DGKB: variants seen among roughly 807,000 people sequenced by gnomAD.
The protein encoded by DGKB is 90 kDa diacylglycerol kinase.
DGKB carries 67 observed loss-of-function variants against 114.3 expected under a neutral mutation model. That is an observed-to-expected ratio of 0.59 (90% CI 0.48 to 0.72). The LOEUF (loss-of-function observed/expected upper bound fraction) is 0.72. Ranked by LOEUF, DGKB falls within the 30% of genes least tolerant of loss-of-function variation. The pLI is 0.00. For synonymous variants in DGKB, 398 were observed against 323.1 expected (o/e 1.23, Z -2.49); for missense variants, 907 against 975.2 (o/e 0.93, Z 0.93).
At chr7:14,310,516 G>A (rs1230226655) in intron 23 of DGKB, among the ~76,000 whole-genome samples, 1 of 152,124 alleles carries the variant, frequency 6.6e-6, no homozygotes, top group Non-Finnish European at 1.5e-5. Flanking sequence ...CAGCTACCAA[G>A]GATTTTGATT....
At chr7:14,831,289 T>C (rs1168264136) in intron 2 of DGKB, among the ~76,000 whole-genome samples, 2 of 152,038 alleles carry the variant, frequency 1.3e-5, no homozygotes, top group Non-Finnish European at 2.9e-5. Context: ...CTGATAATGA[T>C]GCTAATGGCT....
intron 21 of DGKB, among the ~76,000 whole-genome samples, chr7:14,387,534 T>C (rs1036400956): frequency 1.3e-5 from 2 of 152,040 alleles, no homozygotes; most frequent in African/African-American, 4.8e-5. Flanking sequence ...CACCTAAGCC[T>C]TCAGAGTAGC....
At chr7:14,587,929 T>A (rs918535841) in intron 17 of DGKB, among the ~76,000 whole-genome samples, 1 of 152,198 alleles carries the variant, frequency 6.6e-6, no homozygotes. Flanking sequence ...ATTGTGATAT[T>A]CACTTTATTG....
intron 2 of DGKB, among the ~76,000 whole-genome samples, chr7:14,766,135 A>G (rs747898210): frequency 1.3e-5 from 2 of 152,020 alleles, no homozygotes; most frequent in Non-Finnish European, 2.9e-5. Flanking sequence ...TGACTTCTTA[A>G]TCATTCTTTC....
At chr7:14,769,910 T>A (rs892527275) in intron 2 of DGKB, among the ~76,000 whole-genome samples, 1 of 152,272 alleles carries the variant, frequency 6.6e-6, no homozygotes, top group Admixed American at 6.5e-5. Flanking sequence ...TCGTGATATA[T>A]TTAATTTGAT....
At chr7:14,158,437 G>C (rs975139424) in intron 25 of DGKB, among the ~76,000 whole-genome samples, 2 of 152,044 alleles carry the variant, frequency 1.3e-5, no homozygotes, top group South Asian at 4.1e-4. Flanking sequence ...AATTATTTCT[G>C]TTTGTTTGTT....
upstream of DGKB, among the ~76,000 whole-genome samples, chr7:14,905,987 T>C (rs1043067283): frequency 6.6e-6 from 1 of 152,148 alleles, no homozygotes; most frequent in Non-Finnish European, 1.5e-5. Flanking sequence ...TCCTTTCATA[T>C]CTATCACTCA....
intron 23 of DGKB, among the ~76,000 whole-genome samples, chr7:14,320,678 C>T (rs1372005888): frequency 2.0e-5 from 3 of 151,840 alleles, no homozygotes; most frequent in African/African-American, 7.3e-5. Flanking sequence ...GCTTGCATTT[C>T]AGATTGACCT....
intron 13 of DGKB, among the ~76,000 whole-genome samples, chr7:14,668,202 T>C (rs746757707): frequency 1.3e-5 from 2 of 152,060 alleles, no homozygotes; most frequent in Non-Finnish European, 2.9e-5. Context: ...AATCCTAGAA[T>C]AAAATTTGTG....
At chr7:14,335,793 G>T (rs1484806355) in intron 23 of DGKB, among the ~76,000 whole-genome samples, 1 of 151,962 alleles carries the variant, frequency 6.6e-6, no homozygotes, top group Non-Finnish European at 1.5e-5. Flanking sequence ...TTGCTCCATT[G>T]TCCAGGCTGA....
At chr7:14,432,569 T>C (rs1212743261) in intron 21 of DGKB, among the ~76,000 whole-genome samples, 1 of 152,204 alleles carries the variant, frequency 6.6e-6, no homozygotes, top group East Asian at 1.9e-4. Flanking sequence ...TCAGTTAGTC[T>C]TCATGGCCTC....
intron 1 of DGKB, among the ~76,000 whole-genome samples, chr7:14,871,512 A>T (rs940063874): frequency 6.6e-6 from 1 of 152,180 alleles, no homozygotes; most frequent in Non-Finnish European, 1.5e-5. Context: ...AATCTCGTAC[A>T]GTTTATCACT....
At chr7:14,220,919 T>A (rs1789830500) in intron 23 of DGKB, among the ~76,000 whole-genome samples, 1 of 151,454 alleles carries the variant, frequency 6.6e-6, no homozygotes, top group African/African-American at 2.4e-5. Context: ...TTTAGCATTT[T>A]ATTCTTTTCT....
chr7:14,913,185 T>A (rs900375011), intron 1 of DGKB, among the ~76,000 whole-genome samples: 3 of 152,022 alleles, frequency 2.0e-5, no homozygotes, highest in Admixed American at 2.0e-4. Context: ...GAAAGATTGA[T>A]GGCGATGTGA....
chr7:14,737,905 A>G (rs1314748185), intron 4 of DGKB, among the ~76,000 whole-genome samples: 3 of 152,266 alleles, frequency 2.0e-5, no homozygotes, highest in Admixed American at 2.0e-4. Flanking sequence ...AAAAAAAAAA[A>G]AAAAGAATAT....
At position 14,613,325 on chromosome 7, in the gene DGKB, A is replaced by G. The variant is rs186379823; in HGVS notation, c.1358+15T>C. The G allele has an allele frequency of 9.5e-5, 145 of 1,528,878 alleles. 1 individual carries two copies. In the African/African-American group the frequency reaches 1.4e-3, roughly 15 times the overall value. 94.7% of individuals were successfully genotyped at this position (1,528,878 alleles called of 1,614,324 possible). On this transcript the variant is annotated intron_variant, in intron 16 of 25. Transcript: ENST00000402815. ...TATACATGACATAGACACTAAAATC[A>G]ATCAAAAAACATACCGTTCTCCTTG...
chr7:14,882,891 T>A (rs1218641371), intron 1 of DGKB, among the ~76,000 whole-genome samples: 1 of 152,126 alleles, frequency 6.6e-6, no homozygotes, highest in Admixed American at 6.6e-5. Flanking sequence ...GATGGACACT[T>A]AGGTTGATAT....
chr7:14,801,978 C>T (rs1842234414), intron 2 of DGKB, among the ~76,000 whole-genome samples: 1 of 151,612 alleles, frequency 6.6e-6, no homozygotes, highest in Non-Finnish European at 1.5e-5. Flanking sequence ...CATACACACA[C>T]ATACGTATAT....
rs67135250 is a variant in DGKB, at chr7:14,825,016, GTATATATATATATA to G, written c.70+16164_70+16177del. On this transcript the variant is annotated intron_variant, in intron 2 of 25. Coordinates refer to ENST00000402815, the MANE Select transcript of DGKB (RefSeq NM_001350709.2). ...TGTGTATATATATATGTATGTGTAT[GTATATATATATATA>G]TATATATATATATATATATATATAT... Among the ~76,000 whole-genome samples the G allele has an allele frequency of 3.1e-3, 284 of 92,416 alleles. 2 individuals are homozygous for G. The highest frequency in any genetic ancestry group is 7.7e-3 in the African/African-American group (228 of 29,612). The allele number at this position is 92,416 out of a possible 152,430, so 60.6% of individuals were successfully genotyped here.
Sources: gnomAD v4.1 joint callset for allele counts (sites outside exome capture counted in the v4.1 genomes callset) on GRCh38, gnomAD v4.1.1 for gene constraint, MANE v1.5 for transcripts, NCBI Gene and HGNC (gene_info 2026-07-23, HGNC 2026-07-21) for gene names.